Variants in DNAH10 observed in about 807,000 individuals in gnomAD.
DNAH10 encodes the protein axonemal beta dynein heavy chain 10.
DNAH10 carries 348 observed loss-of-function variants against 506.6 expected under a neutral mutation model. The observed-to-expected ratio is 0.69, with a 90% CI of 0.63 to 0.75. DNAH10 has a LOEUF of 0.75. Ranked by LOEUF, DNAH10 falls within the 30% of genes least tolerant of loss-of-function variation. The probability of loss-of-function intolerance (pLI) is 0.00; values close to 1 mark genes in which losing one functional copy is unlikely to be tolerated. For synonymous variants in DNAH10, 2,059 were observed against 2,198.6 expected, an observed-to-expected ratio of 0.94 and a Z score of 1.78; for missense variants, 5,179 against 5,787.1, an observed-to-expected ratio of 0.89 and a Z score of 3.41.
chr12:123,855,106 G>A (rs1442127204), intron 36 of DNAH10, among the ~76,000 whole-genome samples: 1 of 152,140 alleles, frequency 6.6e-6, no homozygotes, highest in East Asian at 1.9e-4. Flanking sequence ...GAGAAGGCGG[G>A]GAACTGCAAT....
intron 24 of DNAH10, among the ~76,000 whole-genome samples, chr12:123,824,434 G>C (rs1343587265): frequency 6.6e-6 from 1 of 152,184 alleles, no homozygotes; most frequent in East Asian, 1.9e-4. Flanking sequence ...TGTGAATTGG[G>C]AGTGTCCAGG....
chr12:123,796,388 C>T (rs1958277225), intron 12 of DNAH10, among the ~76,000 whole-genome samples: 1 of 151,918 alleles, frequency 6.6e-6, no homozygotes, highest in African/African-American at 2.4e-5. Context: ...GCCTGGGAGG[C>T]GGAGTTTTCA....
intron 26 of DNAH10, among the ~76,000 whole-genome samples, chr12:123,831,761 C>T (rs950749028): frequency 3.6e-5 from 4 of 110,018 alleles, no homozygotes; most frequent in Non-Finnish European, 6.2e-5. Flanking sequence ...GGGTGTGGTG[C>T]CGGGTGTGGT....
chr12:123,929,295 T>C lies in DNAH10; in HGVS notation c.12327T>C (p.Asn4109=), dbSNP rs1164269008. The change falls in exon 71 of 79, where the codon AAT becomes AAC. Residue 4109 remains asparagine, a synonymous_variant. Coordinates refer to ENST00000673944, the MANE Select transcript of DNAH10 (RefSeq NM_001372106.1). ...TGAAGGTTGTCACCGAGCCACCCAA[T>C]GGGCTGAAACTCAACATGAGGGCAA... ...KSLKVVTEPP[N]GLKLNMRATY... 2 of 1,598,888 alleles carry C rather than the reference T, an allele frequency of 1.3e-6. No homozygotes were observed. The highest frequency in any genetic ancestry group is 1.3e-5 in the African/African-American group (1 of 74,652).
intron 36 of DNAH10, among the ~76,000 whole-genome samples, chr12:123,855,735 G>A (rs909934176): frequency 4.7e-5 from 7 of 150,484 alleles, no homozygotes; most frequent in East Asian, 1.9e-4. Context: ...TTGCTTTAGC[G>A]TAGATGGCCA....
rs115922900 is a variant in DNAH10, at chr12:123,784,241, C to T, written c.1230+64C>T. ...AAAGAGATTTCATATGATTTAATTT[C>T]CCTTTTAAAAATGTTCAGCATTTGG... On this transcript the variant is annotated intron_variant, in intron 8 of 78. Coordinates refer to ENST00000673944, the MANE Select transcript of DNAH10 (RefSeq NM_001372106.1). 2.9e-3 allele frequency: 4,360 copies of T among 1,525,262 alleles called. 93 individuals are homozygous for T. The African/African-American group carries it at 0.049, about 17-fold the overall frequency. 94.5% of individuals were successfully genotyped at this position (1,525,262 alleles called of 1,614,324 possible). A position where few individuals can be genotyped will look rare whatever the true frequency, so the allele number is the denominator to read the frequency against.
intron 53 of DNAH10, 33 bp downstream of exon 53, chr12:123,893,469 C>T (rs769705324): frequency 6.2e-7 from 1 of 1,610,644 alleles, no homozygotes; most frequent in African/African-American, 1.3e-5. Flanking sequence ...ACCCATTTCC[C>T]CTGCTTTGGC....
At chr12:123,799,477 C>A in intron 14 of DNAH10, 106 bp downstream of exon 14, 1 of 1,442,470 alleles carries the variant, frequency 6.9e-7, no homozygotes, top group Non-Finnish European at 9.3e-7. Context: ...GGTCAGTTTC[C>A]AGAATCAAAG....
intron 5 of DNAH10, 62 bp from the exon 6 acceptor site, chr12:123,781,018 T>A (rs969182418): frequency 2.2e-6 from 3 of 1,333,758 alleles, no homozygotes; most frequent in Non-Finnish European, 3.1e-6. Context: ...CAGAGGCAAT[T>A]TGAATACATG....
In DNAH10 at chr12:123,787,912, G is replaced by C; in HGVS notation, c.1530G>C (p.Arg510Ser). 1 of 1,611,496 alleles carries C rather than the reference G, an allele frequency of 6.2e-7. No homozygotes were observed. The highest frequency in any genetic ancestry group is 1.1e-5 in the South Asian group (1 of 90,366). ...DTRAKIEASGREDRWEFDRKR... is the reference protein window; with the variant it reads ...DTRAKIEASGSEDRWEFDRKR... ...GGGCCAAGATAGAGGCTTCGGGGAGGGAAGATCGGTGGGAGTTTGACCGGA... is the reference window on the plus strand; with the variant it reads ...GGGCCAAGATAGAGGCTTCGGGGAGCGAAGATCGGTGGGAGTTTGACCGGA... Residue 510 changes from arginine (R) to serine (S), a missense_variant, in exon 10 of 79, where the codon AGG becomes AGC. Transcript: ENST00000673944. The surrounding 1 kb of genome is among the most constrained non-coding windows in gnomAD (Gnocchi z 4.6).
Position 123,781,287 on chromosome 12 carries a change from C to A in DNAH10, c.829C>A (p.Gln277Lys), listed in dbSNP as rs1327142130. The A allele has an allele frequency of 6.2e-7, 1 of 1,611,108 alleles. No individual in the cohort carries two copies. Among genetic ancestry groups the A allele is most frequent in the Non-Finnish European group, 8.5e-7 (1 of 1,178,614 alleles). ...KFASNIQRTMQQLEGEIKLEM... is the reference protein window; with the variant it reads ...KFASNIQRTMKQLEGEIKLEM... ...TGCAAGTAATATTCAAAGAACCATGCAGCAACTTGAAGGTAAGGTTTCATT... is the reference window on the plus strand; with the variant it reads ...TGCAAGTAATATTCAAAGAACCATGAAGCAACTTGAAGGTAAGGTTTCATT... Residue 277 changes from glutamine to lysine, a missense_variant, in exon 6 of 79, where the codon CAG becomes AAG. Around this residue, in one of 3 missense-constraint regions of DNAH10, gnomAD observed 4,844 missense variants for 5,430.5 expected, o/e 0.89. Coordinates refer to ENST00000673944, the MANE Select transcript of DNAH10 (RefSeq NM_001372106.1).
Position 123,873,597 on chromosome 12 carries a change from A to G in DNAH10, c.7825A>G (p.Met2609Val), listed in dbSNP as rs186902118. ...CAACTTCTCCTCCCGCACCACGTCCATGGATATCCAAAGAAATTTAGAAGC... is the reference window on the plus strand; with the variant it reads ...CAACTTCTCCTCCCGCACCACGTCCGTGGATATCCAAAGAAATTTAGAAGC... Reference protein sequence around the residue: ...MVNFSSRTTSMDIQRNLEANV... With the variant: ...MVNFSSRTTSVDIQRNLEANV... Residue 2609 changes from methionine (M) to valine (V), a missense_variant, in exon 46 of 79, where the codon ATG (methionine) becomes GTG (valine). Coordinates refer to ENST00000673944, the MANE Select transcript of DNAH10 (RefSeq NM_001372106.1). 14 of 1,613,834 alleles carry G rather than the reference A, an allele frequency of 8.7e-6. No individual in the cohort carries two copies. Among genetic ancestry groups the G allele is most frequent in the Admixed American group, 6.7e-5 (4 of 59,996 alleles).
In DNAH10 at chr12:123,774,258, ATG is replaced by A. The variant is rs1410245091; in HGVS notation, c.617_618del (p.Cys206SerfsTer27). 1 of 1,586,532 alleles carries A rather than the reference ATG, an allele frequency of 6.3e-7. No homozygotes were observed. The highest frequency in any genetic ancestry group is 1.4e-5 in the African/African-American group (1 of 73,608). ...TGCTCCATTTTCTGAAGAATATTATATGTCAGGTAAACATGGAGAAAGGAAGA... is the reference window on the plus strand; with the variant it reads ...TGCTCCATTTTCTGAAGAATATTATATCAGGTAAACATGGAGAAAGGAAGA... ...NVLHFLKNII[C>X]QVFLPALSFN... On this transcript the variant is annotated frameshift_variant, in exon 5 of 79. Coordinates refer to ENST00000673944, the MANE Select transcript of DNAH10 (RefSeq NM_001372106.1). LOFTEE classifies it high-confidence loss of function.
At chr12:123,817,949 CTTT>C (rs369200478) in intron 21 of DNAH10, among the ~76,000 whole-genome samples, 4 of 138,302 alleles carry the variant, frequency 2.9e-5, no homozygotes. Context: ...TTCTTTTTCT[CTTT>C]TTTTTTTTTT....
rs869303760 is a variant in DNAH10, at chr12:123,926,237, T to TAAAAAA, written c.11922-387_11922-382dup. On this transcript the variant is annotated intron_variant, in intron 68 of 78. Transcript: ENST00000673944. This position sits in a 1 kb window ranked among gnomAD's most constrained non-coding sequence, Gnocchi z 4.1. ...CAGAGTGAGATTATATATTTCAATT[T>TAAAAAA]AAAAAAAAAAAAAAAAAAGAAAAAG... is the stretch of plus-strand genomic sequence containing the variant. Among the ~76,000 whole-genome samples, 2 of 108,350 alleles carry TAAAAAA rather than the reference T, an allele frequency of 1.8e-5. No homozygotes were observed. The highest frequency in any genetic ancestry group is 2.6e-4 in the East Asian group (1 of 3,820). The allele number at this position is 108,350 out of a possible 152,430, so 71.1% of individuals were successfully genotyped here. A position where few individuals can be genotyped will look rare whatever the true frequency, so the allele number is the denominator to read the frequency against.
At position 123,923,768 on chromosome 12, in the gene DNAH10, T is replaced by A; in HGVS notation, c.11512T>A (p.Phe3838Ile). Reference protein sequence around the residue: ...SIYNHGCTGLFERHKLLFSFN... With the variant: ...SIYNHGCTGLIERHKLLFSFN... ...CATCTGATGTTTCCCTCCAGGGCTG[T>A]TTGAGAGGCACAAGCTACTCTTTTC... is the stretch of plus-strand genomic sequence containing the variant. Residue 3838 changes from phenylalanine (F) to isoleucine (I), a missense_variant, in exon 66 of 79, where the codon TTT becomes ATT. Phe to Ile is a conservative substitution (Grantham distance 21, BLOSUM62 0). Around this residue, in one of 3 missense-constraint regions of DNAH10, gnomAD observed 4,844 missense variants for 5,430.5 expected, o/e 0.89. Transcript: ENST00000673944. 8 of 1,606,414 alleles carry A rather than the reference T, an allele frequency of 5.0e-6. No homozygotes were observed. The highest frequency in any genetic ancestry group is 6.8e-6 in the Non-Finnish European group (8 of 1,177,832).
At chr12:123,898,887 C>T in intron 56 of DNAH10, 73 bp downstream of exon 56, 1 of 1,483,156 alleles carries the variant, frequency 6.7e-7, no homozygotes, top group Non-Finnish European at 9.0e-7. Flanking sequence ...AGGGCGGGGC[C>T]AGGGCAGCCC....
At chr12:123,806,548 A>G (rs112921890) in intron 18 of DNAH10, among the ~76,000 whole-genome samples, 10,534 of 152,242 alleles carry the variant, frequency 0.069, 587 homozygotes, top group African/African-American at 0.15. Context: ...GTGAGCTGCT[A>G]AAAATCTCTT....
At position 123,929,351 on chromosome 12, in the gene DNAH10, A is replaced by C. The variant is rs752996614; in HGVS notation, c.12383A>C (p.Asp4128Ala). 6.2e-7 allele frequency: 1 copy of C among 1,610,170 alleles called. No individual in the cohort carries two copies. The highest frequency in any genetic ancestry group is 8.5e-7 in the Non-Finnish European group (1 of 1,178,250). ...TTCAAGATCTCTCACGAAATGCTGG[A>C]CCAGTGCCCGCACCCTGCCTTCAAG... ...TYFKISHEML[D>A]QCPHPAFKPL... The change falls in exon 71 of 79, where the codon GAC becomes GCC. Residue 4128 changes from aspartate (D) to alanine (A), a missense_variant. By Grantham distance (126) the Asp-to-Ala change is moderately radical. This residue lies in a region of DNAH10 where 4,844 missense variants were observed against 5,430.5 expected (regional missense o/e 0.89). Coordinates refer to ENST00000673944, the MANE Select transcript of DNAH10 (RefSeq NM_001372106.1).
Sources: gnomAD v4.1 joint callset for allele counts (sites outside exome capture counted in the v4.1 genomes callset) on GRCh38, gnomAD v4.1.1 for gene constraint, gnomAD v4.1.1 regional missense constraint, Gnocchi (gnomAD v3.1) non-coding constraint, MANE v1.5 for transcripts, NCBI Gene and HGNC (gene_info 2026-07-23, HGNC 2026-07-21) for gene names.